The following CTDP1 variants were observed in gnomAD, a reference collection of about 807,000 sequenced individuals.
CTDP1 encodes the protein RNA polymerase II subunit A C-terminal domain phosphatase.
A neutral mutation model predicts 91.8 loss-of-function variants in CTDP1; 47 were observed. The ratio of observed to expected loss-of-function variants is 0.51; its 90% CI spans 0.41 to 0.65. CTDP1 has a LOEUF of 0.65. Among genes scored for constraint, CTDP1 ranks in the 30% least tolerant of loss-of-function variants. CTDP1 has a pLI of 0.00. For synonymous variants in CTDP1, 656 were observed against 598.5 expected, an observed-to-expected ratio of 1.10 and a Z score of -1.40; for missense variants, 1,272 against 1,373.7, an observed-to-expected ratio of 0.93 and a Z score of 1.17.
intron 10 of CTDP1, among the ~76,000 whole-genome samples, chr18:79,718,896 C>T (rs1003056739): frequency 2.0e-5 from 3 of 152,092 alleles, no homozygotes; most frequent in African/African-American, 7.2e-5. Context: ...TAGAGGGAGA[C>T]GGGTGCTCAC....
chr18:79,694,538 G>A, intron 1 of CTDP1, among the ~76,000 whole-genome samples: 1 of 150,400 alleles, frequency 6.6e-6, no homozygotes, highest in South Asian at 2.1e-4. Flanking sequence ...GTGGGAGTGT[G>A]GGGGCTGCGG....
chr18:79,725,638 C>T (rs1181707337), intron 10 of CTDP1, among the ~76,000 whole-genome samples: 4 of 151,856 alleles, frequency 2.6e-5, no homozygotes, highest in Non-Finnish European at 4.4e-5. Context: ...AGAACTCGAG[C>T]GGAGTCTCCG....
chr18:79,734,182 G>A (rs760471226), intron 11 of CTDP1, among the ~76,000 whole-genome samples: 43 of 152,348 alleles, frequency 2.8e-4, no homozygotes, highest in Non-Finnish European at 4.9e-4. Flanking sequence ...ATGGGGTAAT[G>A]TCTGAGCGTG....
chr18:79,740,930 G>A lies in CTDP1; in HGVS notation c.2747+4409G>A, dbSNP rs149412103. Among the ~76,000 whole-genome samples, 557 of 152,326 alleles carry A rather than the reference G, an allele frequency of 3.7e-3. 5 individuals are homozygous for A. Among genetic ancestry groups the A allele is most frequent in the African/African-American group, 0.013 (532 of 41,564 alleles). ...CGTCCCAACACCAGTTCCAGGTACC[G>A]AAAAGAACAGGCGCCCAGGTGAGGT... On this transcript the variant is annotated intron_variant, in intron 12 of 12. Transcript: ENST00000613122.
intron 5 of CTDP1, among the ~76,000 whole-genome samples, chr18:79,707,614 A>T (rs1178510912): frequency 6.6e-6 from 1 of 152,216 alleles, no homozygotes; most frequent in East Asian, 1.9e-4. Flanking sequence ...ATCACAAGAA[A>T]ACTGCAGACC....
chr18:79,718,254 G>A (rs573930682), intron 10 of CTDP1, among the ~76,000 whole-genome samples: 5 of 152,288 alleles, frequency 3.3e-5, no homozygotes, highest in Admixed American at 3.3e-4. Flanking sequence ...CAGCTTCTCA[G>A]ATGTTGTCCA....
chr18:79,736,798 C>T (rs2086677470), intron 12 of CTDP1, among the ~76,000 whole-genome samples: 1 of 150,894 alleles, frequency 6.6e-6, no homozygotes, highest in African/African-American at 2.4e-5. Context: ...TCTACACGTG[C>T]ACAGGCGTGT....
intron 4 of CTDP1, 146 bp downstream of exon 4, chr18:79,698,134 G>A: frequency 1.6e-6 from 2 of 1,230,534 alleles, no homozygotes; most frequent in South Asian, 1.3e-5. Context: ...CTGGGCGTGG[G>A]CCGTGTGTCT....
intron 10 of CTDP1, 132 bp from the exon 11 acceptor site, chr18:79,728,775 C>T (rs965930865): frequency 1.5e-6 from 1 of 670,522 alleles, no homozygotes; most frequent in Non-Finnish European, 2.2e-6. Flanking sequence ...CGAAACATCA[C>T]GTTTTTCATA....
chr18:79,728,102 C>T (rs1224627803), intron 10 of CTDP1, among the ~76,000 whole-genome samples: 5 of 151,876 alleles, frequency 3.3e-5, no homozygotes, highest in Non-Finnish European at 7.4e-5. Flanking sequence ...TCTGTTTTTT[C>T]GTGAATTTTT....
Position 79,741,483 on chromosome 18 carries a change from G to A in CTDP1, c.2747+4962G>A, listed in dbSNP as rs530896996. Among the ~76,000 whole-genome samples, 4 of 152,370 alleles carry A rather than the reference G, an allele frequency of 2.6e-5. 1 individual carries two copies. The highest frequency in any genetic ancestry group is 3.9e-4 in the East Asian group (2 of 5,192). On this transcript the variant is annotated intron_variant, in intron 12 of 12. Coordinates refer to ENST00000613122, the MANE Select transcript of CTDP1 (RefSeq NM_004715.5). ...ATGTTACTGGCAAGAAGATGAGCTGGTCGTTCCCATGATCTGTTGACAGAG... is the reference window on the plus strand; with the variant it reads ...ATGTTACTGGCAAGAAGATGAGCTGATCGTTCCCATGATCTGTTGACAGAG...
intron 1 of CTDP1, among the ~76,000 whole-genome samples, chr18:79,681,207 C>T (rs2085358880): frequency 2.0e-5 from 3 of 152,232 alleles, no homozygotes; most frequent in African/African-American, 7.2e-5. Context: ...CAGGAGTCTT[C>T]CCGTCACAGC....
chr18:79,747,260 C>T (rs1462046960), intron 12 of CTDP1, among the ~76,000 whole-genome samples: 1 of 152,212 alleles, frequency 6.6e-6, no homozygotes, highest in African/African-American at 2.4e-5. Flanking sequence ...CAGCTCCCTG[C>T]TGGGAAGGGC....
intron 4 of CTDP1, among the ~76,000 whole-genome samples, chr18:79,699,739 A>G (rs1389546685): frequency 1.3e-5 from 2 of 151,986 alleles, no homozygotes; most frequent in Non-Finnish European, 2.9e-5. Context: ...ACCTCATTTT[A>G]TGGTGCTTCA....
chr18:79,696,172 A>G lies in CTDP1; in HGVS notation c.492+102A>G, dbSNP rs655609. 793,302 of 1,002,398 alleles carry G rather than the reference A, an allele frequency of 0.79. 315,239 individuals are homozygous for G. The highest frequency in any genetic ancestry group is 0.81 in the Non-Finnish European group (528,999 of 657,100). The allele number at this position is 1,002,398 out of a possible 1,614,324, so 62.1% of individuals were successfully genotyped here. On this transcript the variant is annotated intron_variant, in intron 3 of 12. Coordinates refer to ENST00000613122, the MANE Select transcript of CTDP1 (RefSeq NM_004715.5). ...GCAGAAGCACGGACGTGTGGTTGTC[A>G]TCGTCGTTACTGAAACAACCCCTCA...
At chr18:79,690,532 C>G (rs2085599142) in intron 1 of CTDP1, among the ~76,000 whole-genome samples, 1 of 152,224 alleles carries the variant, frequency 6.6e-6, no homozygotes, top group Non-Finnish European at 1.5e-5. Flanking sequence ...GTTTCTCTGC[C>G]TGGAGCGTGG....
intron 1 of CTDP1, among the ~76,000 whole-genome samples, chr18:79,688,499 A>G (rs917342956): frequency 1.3e-5 from 2 of 152,246 alleles, no homozygotes; most frequent in African/African-American, 4.8e-5. Flanking sequence ...TCCTGACCTC[A>G]GGTGATCCAC....
intron 10 of CTDP1, among the ~76,000 whole-genome samples, chr18:79,722,643 C>G (rs567596615): frequency 6.6e-6 from 1 of 152,344 alleles, no homozygotes; most frequent in East Asian, 1.9e-4. Context: ...GGAAATGTCT[C>G]TCCCTTCACT....
intron 11 of CTDP1, 104 bp from the exon 12 acceptor site, chr18:79,736,251 C>T: frequency 6.9e-7 from 1 of 1,445,342 alleles, no homozygotes; most frequent in Admixed American, 2.0e-5. Flanking sequence ...CCTCCAGCCC[C>T]CACCCTGCTG....
Sources: gnomAD v4.1 joint callset for allele counts (sites outside exome capture counted in the v4.1 genomes callset) on GRCh38, gnomAD v4.1.1 for gene constraint, MANE v1.5 for transcripts, NCBI Gene and HGNC (gene_info 2026-07-23, HGNC 2026-07-21) for gene names.